The following DOCK7 variants were observed in gnomAD, a reference collection of about 807,000 sequenced individuals.
The protein encoded by DOCK7 is dedicator of cytokinesis protein 7.
A neutral mutation model predicts 271.0 loss-of-function variants in DOCK7; 138 were observed. The observed-to-expected ratio is 0.51, with a 90% CI of 0.44 to 0.59. The LOEUF is 0.59. Among genes scored for constraint, DOCK7 ranks in the 20% least tolerant of loss-of-function variants. The pLI, the probability that DOCK7 is intolerant of heterozygous loss-of-function variation, is 0.00. For missense variants in DOCK7, 2,066 were observed against 2,592.4 expected (o/e 0.80, Z 4.41); for synonymous variants, 823 against 876.1 (o/e 0.94, Z 1.07).
chr1:62,618,987 C>A, intron 13 of DOCK7, 119 bp from the exon 14 acceptor site: 2 of 827,948 alleles, frequency 2.4e-6, no homozygotes, highest in Non-Finnish European at 3.8e-6. Flanking sequence ...TTACAGAAAC[C>A]AAATTTATAT....
chr1:62,510,595 T>C lies in DOCK7; in HGVS notation c.4361A>G (p.Asn1454Ser). The stretch of plus-strand genomic sequence containing the variant: ...GTATTACTTGTCAAGCTTCTCTGTG[T>C]TTTGACGCCAGTGAGTCATATCTTT... ...WRKDMTHWRQ[N>S]TEKLDKSRAE... The change falls in exon 34 of 50, where the codon AAC (asparagine) becomes AGC (serine). Residue 1454 changes from asparagine to serine, a missense_variant. Asn to Ser is a conservative substitution (Grantham distance 46). Around this residue, in one of 2 missense-constraint regions of DOCK7, gnomAD observed 652 missense variants for 922.1 expected, o/e 0.71. Coordinates refer to ENST00000635253, the MANE Select transcript of DOCK7 (RefSeq NM_001367561.1). 1.2e-6 allele frequency: 2 copies of C among 1,613,342 alleles called. No homozygotes were observed. Among genetic ancestry groups the C allele is most frequent in the Non-Finnish European group, 1.7e-6 (2 of 1,179,570 alleles).
rs766160359 is a variant in DOCK7 at position 62,496,410 on chromosome 1, G to A, written c.4852C>T (p.Arg1618Cys). Residue 1618 changes from arginine (R) to cysteine (C), a missense_variant, in exon 38 of 50, where the codon CGT becomes TGT. Physicochemically the swap from Arg to Cys is radical, Grantham distance 180. Around this residue, in one of 2 missense-constraint regions of DOCK7, gnomAD observed 652 missense variants for 922.1 expected, o/e 0.71. Coordinates refer to ENST00000635253, the MANE Select transcript of DOCK7 (RefSeq NM_001367561.1). The stretch of plus-strand genomic sequence containing the variant: ...TATGTCAATATAGTCTTTAGAGAAC[G>A]TCTTAAGAATTCTTCATTAAAATTC... ...SQNFNEEFLR[R>C]SLKTILTYAE... is the part of the protein sequence containing the mutation. The A allele has an allele frequency of 5.6e-6, 9 of 1,613,284 alleles. No individual in the cohort carries two copies. Among genetic ancestry groups the A allele is most frequent in the Admixed American group, 5.0e-5 (3 of 59,982 alleles).
rs930398787 is a variant in DOCK7, at chr1:62,578,540, T to G, written c.2010+288A>C. Reference sequence around the variant, plus strand: ...TTTGAGACCAACTTGGCAAACATGGTGAAACCCCATCTCTACTAAAAATAC... The same window carrying G: ...TTTGAGACCAACTTGGCAAACATGGGGAAACCCCATCTCTACTAAAAATAC... On this transcript the variant is annotated intron_variant, in intron 17 of 49. Coordinates refer to ENST00000635253, the MANE Select transcript of DOCK7 (RefSeq NM_001367561.1). Among the ~76,000 whole-genome samples, 5 of 152,040 alleles carry G rather than the reference T, an allele frequency of 3.3e-5. No individual in the cohort carries two copies. In the East Asian group the frequency reaches 9.7e-4, roughly 29 times the overall value.
rs1207517083 is a variant in DOCK7 at position 62,583,261 on chromosome 1, CAAAT to C, written c.1801-11_1801-8del. 1 of 1,610,066 alleles carries C rather than the reference CAAAT, an allele frequency of 6.2e-7. No homozygotes were observed. The highest frequency in any genetic ancestry group is 1.7e-5 in the Admixed American group (1 of 59,962). ...TAGATTTACCAAAGATTACCTGAAA[CAAAT>C]AACAGCATGTTGAAACTTTGTTGTA... On this transcript the variant is annotated splice_polypyrimidine_tract_variant and splice_region_variant and intron_variant, in intron 15 of 49. Transcript: ENST00000635253.
chr1:62,487,480 G>T, intron 42 of DOCK7, 68 bp from the exon 43 acceptor site: 1 of 1,386,690 alleles, frequency 7.2e-7, no homozygotes. Context: ...AAAGGCCAAA[G>T]GCACCATATA....
At position 62,667,704 on chromosome 1, in the gene DOCK7, G is replaced by A. The variant is rs1659477469; in HGVS notation, c.39-4574C>T. 2.0e-5 allele frequency among the ~76,000 whole-genome samples: 3 copies of A among 152,034 alleles called. No homozygotes were observed. The South Asian group carries it at 6.2e-4, about 32-fold the overall frequency. The stretch of plus-strand genomic sequence containing the variant: ...TGCACTCCAGCCTAGGTGACACAGA[G>A]AGACTCCATTTCAAAAATAAATAAA... On this transcript the variant is annotated intron_variant, in intron 1 of 49. Coordinates refer to ENST00000635253, the MANE Select transcript of DOCK7 (RefSeq NM_001367561.1).
At chr1:62,579,613 G>A (rs894556821) in intron 16 of DOCK7, among the ~76,000 whole-genome samples, 2 of 147,686 alleles carry the variant, frequency 1.4e-5, no homozygotes, top group African/African-American at 5.0e-5. Flanking sequence ...GAGATGAGAG[G>A]ATCACTTGAG....
intron 16 of DOCK7, 26 bp downstream of exon 16, chr1:62,583,158 T>C (rs1051145278): frequency 6.3e-7 from 1 of 1,583,802 alleles, no homozygotes; most frequent in Non-Finnish European, 8.7e-7. Flanking sequence ...GTGAGTAACT[T>C]TGAAAGAAAT....
chr1:62,611,786 CTGA>C (rs1651820295), intron 14 of DOCK7, among the ~76,000 whole-genome samples: 1 of 151,680 alleles, frequency 6.6e-6, no homozygotes, highest in Admixed American at 6.6e-5. Flanking sequence ...GAAAAAAAAA[CTGA>C]TGATAGTAAA....
intron 42 of DOCK7, chr1:62,488,688 A>G (rs1206767245): frequency 2.2e-6 from 1 of 462,426 alleles, no homozygotes; most frequent in Admixed American, 3.8e-5. Flanking sequence ...TTGCTAATTA[A>G]TAATTCAAAA....
At position 62,688,365 on chromosome 1, in the gene DOCK7, C is replaced by A; in HGVS notation, c.-101G>T. 1.3e-6 allele frequency: 1 copy of A among 784,882 alleles called. No homozygotes were observed. The highest frequency in any genetic ancestry group is 1.7e-6 in the Non-Finnish European group (1 of 601,000). 48.6% of individuals were successfully genotyped at this position (784,882 alleles called of 1,614,324 possible). ...CTCGTGCTCCCTCCCTCGCGGCCTC[C>A]GCCAGTCCGGGCTCCGGACCTGGGA... On this transcript the variant is annotated 5_prime_UTR_variant, in exon 1 of 50. Transcript: ENST00000635253.
chr1:62,532,029 A>C (rs1481590049), intron 29 of DOCK7, among the ~76,000 whole-genome samples: 5 of 151,286 alleles, frequency 3.3e-5, no homozygotes, highest in African/African-American at 4.9e-5. Flanking sequence ...GCTGAGAATG[A>C]TTGTGACAAG....
intron 1 of DOCK7, among the ~76,000 whole-genome samples, chr1:62,677,205 G>A (rs998821833): frequency 2.6e-5 from 4 of 152,130 alleles, no homozygotes; most frequent in Admixed American, 1.3e-4. Context: ...TGTAAGATTT[G>A]GGTGGGGCTA....
rs1242309036 is a variant in DOCK7 at position 62,528,123 on chromosome 1, A to G, written c.3936+28T>C. On this transcript the variant is annotated intron_variant, in intron 31 of 49. Coordinates refer to ENST00000635253, the MANE Select transcript of DOCK7 (RefSeq NM_001367561.1). ...AGTAAATATTTGTCTTTCTAGAAAA[A>G]AAAATTCTGTAGGAGGATTGTTTTT... The G allele has an allele frequency of 3.8e-6, 6 of 1,581,910 alleles. No individual in the cohort carries two copies. In the African/African-American group the frequency reaches 6.8e-5, roughly 18 times the overall value.
rs182702948 is a variant in DOCK7, at chr1:62,505,553, T to C, written c.4611+129A>G. 6.9e-5 allele frequency: 73 copies of C among 1,062,548 alleles called. No individual in the cohort carries two copies. In the East Asian group the frequency reaches 1.8e-3, roughly 26 times the overall value. The allele number at this position is 1,062,548 out of a possible 1,614,324, so 65.8% of individuals were successfully genotyped here. A position where few individuals can be genotyped will look rare whatever the true frequency, so the allele number is the denominator to read the frequency against. On this transcript the variant is annotated intron_variant, in intron 36 of 49. Coordinates refer to ENST00000635253, the MANE Select transcript of DOCK7 (RefSeq NM_001367561.1). ...GAATTAAGGGTCTTAGGTTATTATT[T>C]AAATTTTAACTACACATATTCATTA... is the stretch of plus-strand genomic sequence containing the variant.
At chr1:62,589,177 G>A (rs899307988) in intron 14 of DOCK7, among the ~76,000 whole-genome samples, 1 of 152,164 alleles carries the variant, frequency 6.6e-6, no homozygotes, top group Non-Finnish European at 1.5e-5. Context: ...ACCATCATAT[G>A]AGAGGCAGGA....
At chr1:62,521,661 A>T (rs535129614) in intron 31 of DOCK7, among the ~76,000 whole-genome samples, 1 of 152,226 alleles carries the variant, frequency 6.6e-6, no homozygotes, top group Non-Finnish European at 1.5e-5. Context: ...CATTTCTACT[A>T]GAATAAAATT....
intron 14 of DOCK7, among the ~76,000 whole-genome samples, chr1:62,589,786 A>G (rs1648159520): frequency 6.6e-6 from 1 of 151,556 alleles, no homozygotes; most frequent in African/African-American, 2.4e-5. Flanking sequence ...TTAAAAGTAT[A>G]TCATTTAATG....
chr1:62,613,204 A>G (rs548294424), intron 14 of DOCK7, among the ~76,000 whole-genome samples: 4 of 152,340 alleles, frequency 2.6e-5, no homozygotes, highest in African/African-American at 9.6e-5. Flanking sequence ...TACTTTTTCT[A>G]AAATACTGTG....
Sources: allele counts gnomAD v4.1 joint callset (sites outside exome capture counted in the v4.1 genomes callset), GRCh38; gene constraint gnomAD v4.1.1; regional missense constraint gnomAD v4.1.1; transcripts MANE v1.5; gene names NCBI Gene and HGNC (gene_info 2026-07-23, HGNC 2026-07-21).